The following CDH15 variants were observed in gnomAD, a reference collection of about 807,000 sequenced individuals.
The protein encoded by CDH15 is cadherin-15.
In CDH15, 73 loss-of-function variants were observed where a neutral mutation model predicts 69.4. That is an observed-to-expected ratio of 1.05 (90% CI 0.87 to 1.28). The LOEUF (loss-of-function observed/expected upper bound fraction) is 1.28, where lower values mean the gene tolerates loss of function less well. CDH15 is among the 50% of genes most tolerant of loss of function. The probability of loss-of-function intolerance (pLI) is 0.00; values close to 1 mark genes in which losing one functional copy is unlikely to be tolerated. For missense variants in CDH15, 1,343 were observed against 1,133.6 expected, an observed-to-expected ratio of 1.18 and a Z score of -2.65; for synonymous variants, 624 against 507.7, an observed-to-expected ratio of 1.23 and a Z score of -3.08.
In CDH15 at chr16:89,195,186, C is replaced by T. The variant is rs370773912; in HGVS notation, c.*31C>T. On this transcript the variant is annotated 3_prime_UTR_variant, in exon 14 of 14. Transcript: ENST00000289746. ...GGGCGCAACTGGACATGCCACTCCC[C>T]GGCCTCGTGGCAGTGATGGCCCCTG... 1.8e-5 allele frequency: 28 copies of T among 1,542,752 alleles called. No individual in the cohort carries two copies. The Admixed American group carries it at 3.0e-4, about 17-fold the overall frequency.
Position 89,193,542 on chromosome 16 carries a change from C to A in CDH15, c.1928C>A (p.Pro643His). 6.2e-7 allele frequency: 1 copy of A among 1,611,736 alleles called. No homozygotes were observed. Among genetic ancestry groups the A allele is most frequent in the Non-Finnish European group, 8.5e-7 (1 of 1,179,660 alleles). The change falls in exon 12 of 14, where the codon CCC becomes CAC. Residue 643 changes from proline (P) to histidine (H), a missense_variant. Transcript: ENST00000289746. ...QSRGKGLLHGPQDDLRDNVLN... is the reference protein window; with the variant it reads ...QSRGKGLLHGHQDDLRDNVLN... ...CGGGGCAAGGGGCTGCTGCACGGCC[C>A]CCAGGACGACCTTCGAGACAATGTC...
intron 8 of CDH15, 142 bp from the exon 9 acceptor site, chr16:89,191,188 T>G: frequency 1.1e-6 from 1 of 900,238 alleles, no homozygotes; most frequent in Non-Finnish European, 1.8e-6. Flanking sequence ...TGCGTGTGTA[T>G]ATGTTGTGTG....
Position 89,193,624 on chromosome 16 carries a change from G to C in CDH15, c.1992+18G>C, listed in dbSNP as rs775954523. 4 of 1,577,118 alleles carry C rather than the reference G, an allele frequency of 2.5e-6. No homozygotes were observed. Among genetic ancestry groups the C allele is most frequent in the Admixed American group, 1.9e-5 (1 of 53,922 alleles). On this transcript the variant is annotated intron_variant, in intron 12 of 13. Coordinates refer to ENST00000289746, the MANE Select transcript of CDH15 (RefSeq NM_004933.3). Reference sequence around the variant, plus strand: ...AGGACCAGGTGAGGGGGCAGGTGTGGGTGGGGAGGGGTCCCCAAGGAACCC... The same window carrying C: ...AGGACCAGGTGAGGGGGCAGGTGTGCGTGGGGAGGGGTCCCCAAGGAACCC...
chr16:89,192,617 C>T (rs866545558), intron 11 of CDH15, among the ~76,000 whole-genome samples, 173 bp downstream of exon 11: 7 of 114,382 alleles, frequency 6.1e-5, no homozygotes, highest in African/African-American at 2.6e-4. Context: ...CTCCCTAACC[C>T]CGCCCCGTCA....
At chr16:89,190,145 G>A in intron 7 of CDH15, 98 bp from the exon 8 acceptor site, 1 of 1,440,492 alleles carries the variant, frequency 6.9e-7, no homozygotes, top group Admixed American at 1.9e-5. Flanking sequence ...AAGTACAGGT[G>A]CTCTGGACAG....
chr16:89,178,852 C>T (rs1026716026), intron 1 of CDH15, among the ~76,000 whole-genome samples: 1 of 152,202 alleles, frequency 6.6e-6, no homozygotes, highest in African/African-American at 2.4e-5. Context: ...ACCTCCCCTG[C>T]CGCTCCCCCG....
At position 89,185,349 on chromosome 16, in the gene CDH15, G is replaced by A. The variant is rs371858354; in HGVS notation, c.663+16G>A. On this transcript the variant is annotated intron_variant, in intron 5 of 13. Transcript: ENST00000289746. ...GGACCGCGAGGTGAGGTGGCGCCCC[G>A]GCAGCTCCACACCCGCACGGCCAGG... The A allele has an allele frequency of 3.8e-5, 61 of 1,587,038 alleles. No homozygotes were observed. The African/African-American group carries it at 4.2e-4, about 11-fold the overall frequency.
rs377311613 is a variant in CDH15, at chr16:89,183,598, G to A, written c.408G>A (p.Thr136=). 22 of 1,614,142 alleles carry A rather than the reference G, an allele frequency of 1.4e-5. No individual in the cohort carries two copies. The highest frequency in any genetic ancestry group is 4.0e-5 in the African/African-American group (3 of 75,052). The part of the protein sequence containing the change: ...DLGGSTLEDP[T]DLEIVVVDQN... The stretch of plus-strand genomic sequence containing the variant: ...GAGGATCCACCCTGGAGGACCCCAC[G>A]GACCTGGAGATTGTAGTTGTGGATC... The change falls in exon 4 of 14, where the codon ACG becomes ACA. Residue 136 remains threonine, a synonymous_variant. Transcript: ENST00000289746.
intron 2 of CDH15, 67 bp downstream of exon 2, chr16:89,179,641 C>G: frequency 6.8e-7 from 1 of 1,459,878 alleles, no homozygotes; most frequent in Non-Finnish European, 9.2e-7. Context: ...CTCCCTCATT[C>G]TCTAAAGGTC....
Position 89,195,251 on chromosome 16 carries a change from C to T in CDH15, c.*96C>T. ...GGTCACCGGGCCCGACCCCCCTGGG[C>T]CTGGGGCAGCCTCCTTCCTGTAGGC... On this transcript the variant is annotated 3_prime_UTR_variant, in exon 14 of 14. Transcript: ENST00000289746. 1.6e-6 allele frequency: 2 copies of T among 1,283,360 alleles called. No individual in the cohort carries two copies. The highest frequency in any genetic ancestry group is 2.5e-5 in the East Asian group (1 of 39,294). 79.5% of individuals were successfully genotyped at this position (1,283,360 alleles called of 1,614,324 possible).
intron 1 of CDH15, among the ~76,000 whole-genome samples, chr16:89,174,033 C>G (rs1025413233): frequency 6.6e-6 from 1 of 152,190 alleles, no homozygotes; most frequent in East Asian, 1.9e-4. Context: ...GCTCTTAGCT[C>G]GGGTGACTGT....
In CDH15 at chr16:89,183,271, C is replaced by T. The variant is rs75216114; in HGVS notation, c.358-277C>T. ...AGAGAGATTAGGAACCCTCTGAGAG[C>T]CTTACTTTAGTCACACGTGAAGCTG... On this transcript the variant is annotated intron_variant, in intron 3 of 13. Transcript: ENST00000289746. The T allele has an allele frequency of 6.3e-4, 291 of 463,818 alleles. 3 individuals carry two copies. The East Asian group carries it at 0.01, about 17-fold the overall frequency. The allele number at this position is 463,818 out of a possible 1,614,324, so 28.7% of individuals were successfully genotyped here. A position where few individuals can be genotyped will look rare whatever the true frequency, so the allele number is the denominator to read the frequency against.
chr16:89,188,970 C>T (rs902117353), intron 7 of CDH15, among the ~76,000 whole-genome samples: 4 of 147,908 alleles, frequency 2.7e-5, no homozygotes, highest in African/African-American at 1.0e-4. Flanking sequence ...TGCTGGCACA[C>T]ATAGATGCCC....
At chr16:89,183,368 G>A (rs144049439) in intron 3 of CDH15, 180 bp from the exon 4 acceptor site, 111 of 679,004 alleles carry the variant, frequency 1.6e-4, no homozygotes, top group African/African-American at 1.5e-3. Context: ...GGTGGCTCCC[G>A]TTCAGGGACG....
chr16:89,184,185 T>C (rs1439133972), intron 4 of CDH15, among the ~76,000 whole-genome samples: 2 of 152,198 alleles, frequency 1.3e-5, no homozygotes, highest in African/African-American at 4.8e-5. Flanking sequence ...TGGCCAGGCC[T>C]GGCCCAGGCT....
intron 9 of CDH15, 91 bp from the exon 10 acceptor site, chr16:89,191,564 C>CG (rs1915642163): frequency 6.3e-7 from 1 of 1,583,632 alleles, no homozygotes. Flanking sequence ...CCATGTCGCC[C>CG]GGGGGCTCAG....
rs1915615136 is a variant in CDH15 at position 89,190,511 on chromosome 16, G to A, written c.1232+15G>A. ...CAGAGGCTCAGGTGGGGCTCCTGAG[G>A]CCCTGGGAGAGGTAGAGGAGGCTAA... On this transcript the variant is annotated intron_variant, in intron 8 of 13. Coordinates refer to ENST00000289746, the MANE Select transcript of CDH15 (RefSeq NM_004933.3). 6.3e-7 allele frequency: 1 copy of A among 1,581,106 alleles called. No homozygotes were observed. The highest frequency in any genetic ancestry group is 8.6e-7 in the Non-Finnish European group (1 of 1,164,488).
In CDH15 at chr16:89,194,817, C is replaced by G. The variant is rs746486955; in HGVS notation, c.2152-45C>G. The G allele has an allele frequency of 2.6e-6, 4 of 1,558,080 alleles. No homozygotes were observed. In the South Asian group the frequency reaches 4.6e-5, roughly 18 times the overall value. ...GCTGTGGCCACGGCGGTGGGGCACCCGCTGGCCCCTCCATGTGTCTTGAGC... is the reference window on the plus strand; with the variant it reads ...GCTGTGGCCACGGCGGTGGGGCACCGGCTGGCCCCTCCATGTGTCTTGAGC... On this transcript the variant is annotated intron_variant, in intron 13 of 13. Transcript: ENST00000289746.
intron 5 of CDH15, among the ~76,000 whole-genome samples, chr16:89,186,599 ACGCT>A (rs55711459): frequency 2.7e-5 from 3 of 109,426 alleles, no homozygotes; most frequent in African/African-American, 3.7e-5. Context: ...TGCTCTGTAA[ACGCT>A]CACCCAGCGC....
Sources: gnomAD v4.1 joint callset for allele counts (sites outside exome capture counted in the v4.1 genomes callset) on GRCh38, gnomAD v4.1.1 for gene constraint, MANE v1.5 for transcripts, NCBI Gene and HGNC (gene_info 2026-07-23, HGNC 2026-07-21) for gene names.